BRD1: variants seen among roughly 807,000 people sequenced by gnomAD.
BRD1 encodes bromodomain containing 1, also known as bromodomain-containing protein 1.
A neutral mutation model predicts 107.7 loss-of-function variants in BRD1; 24 were observed. The observed-to-expected ratio is 0.22, with a 90% CI of 0.16 to 0.31. The LOEUF (loss-of-function observed/expected upper bound fraction) is 0.31. Among genes scored for constraint, BRD1 ranks in the 10% least tolerant of loss-of-function variants. The pLI is 1.00. For missense variants in BRD1, 1,279 were observed against 1,638.6 expected, an observed-to-expected ratio of 0.78 and a Z score of 3.79; for synonymous variants, 744 against 686.1, an observed-to-expected ratio of 1.08 and a Z score of -1.32.
Position 49,787,729 on chromosome 22 carries a change from C to T in BRD1, c.2518G>A (p.Ala840Thr), listed in dbSNP as rs796891606. 2.7e-5 allele frequency: 42 copies of T among 1,550,782 alleles called. No individual in the cohort carries two copies. In the African/African-American group the frequency reaches 3.3e-4, roughly 12 times the overall value. ...CTTACCAGTGCGCTCTGAGTGCAAG[C>T]GCTATGTGATTCATTATCAAATGTG... ...RVTFDNESHS[A>T]CTQSALVSGR... Residue 840 changes from alanine (A) to threonine (T), a missense_variant, in exon 8 of 13, where the codon GCT becomes ACT. Around this residue, in one of 7 missense-constraint regions of BRD1, gnomAD observed 406 missense variants for 519.4 expected, o/e 0.78. Transcript: ENST00000404760.
chr22:49,784,093 C>G (rs947777066), intron 8 of BRD1, among the ~76,000 whole-genome samples: 6 of 152,160 alleles, frequency 3.9e-5, no homozygotes, highest in Non-Finnish European at 7.3e-5. Context: ...CGCCCCAGCA[C>G]GTGCACATGG....
At position 49,775,927 on chromosome 22, in the gene BRD1, C is replaced by T. The variant is rs529036986; in HGVS notation, c.3231+123G>A. 5 of 1,213,764 alleles carry T rather than the reference C, an allele frequency of 4.1e-6. No individual in the cohort carries two copies. The African/African-American group carries it at 7.7e-5, about 19-fold the overall frequency. The allele number at this position is 1,213,764 out of a possible 1,614,324, so 75.2% of individuals were successfully genotyped here. A position where few individuals can be genotyped will look rare whatever the true frequency, so the allele number is the denominator to read the frequency against. ...GCTGTGTGAACCTCCTCTGACCAAC[C>T]CCGCCCCCCCGCCAGCTGTGGAACC... On this transcript the variant is annotated intron_variant, in intron 11 of 12. Coordinates refer to ENST00000404760, the MANE Select transcript of BRD1 (RefSeq NM_001304808.3).
At chr22:49,775,016 G>A (rs57357192) in intron 12 of BRD1, among the ~76,000 whole-genome samples, 127 of 152,354 alleles carry the variant, frequency 8.3e-4, no homozygotes, top group African/African-American at 3.0e-3. Context: ...CACAGCCGGG[G>A]CCACAGCTCC....
At chr22:49,796,990 A>G (rs2059546768) in intron 6 of BRD1, among the ~76,000 whole-genome samples, 1 of 152,250 alleles carries the variant, frequency 6.6e-6, no homozygotes, top group Non-Finnish European at 1.5e-5. Context: ...CAAATAAGCC[A>G]AACACACCGT....
chr22:49,815,329 A>G (rs1297346158), intron 2 of BRD1, among the ~76,000 whole-genome samples: 1 of 152,150 alleles, frequency 6.6e-6, no homozygotes, highest in African/African-American at 2.4e-5. Context: ...ACCTTAGGTC[A>G]GTCAGGAGTT....
chr22:49,787,302 C>CA, intron 8 of BRD1, 88 bp downstream of exon 8: 2 of 750,916 alleles, frequency 2.7e-6, no homozygotes, highest in South Asian at 3.6e-5. Context: ...GCTGGACACC[C>CA]CCCCCCCCCC....
In BRD1 at chr22:49,775,578, C is replaced by A; in HGVS notation, c.3386+13G>T. The A allele has an allele frequency of 4.4e-6, 7 of 1,595,482 alleles. No individual in the cohort carries two copies. Among genetic ancestry groups the A allele is most frequent in the Non-Finnish European group, 6.0e-6 (7 of 1,171,148 alleles). On this transcript the variant is annotated intron_variant, in intron 12 of 12. Coordinates refer to ENST00000404760, the MANE Select transcript of BRD1 (RefSeq NM_001304808.3). ...CCCAGCCGGTCCCCGGAGTCTAAGG[C>A]CTCTCAACTCACCAACTTCTCTTAT...
At chr22:49,787,248 C>G (rs1174937021) in intron 8 of BRD1, 142 bp downstream of exon 8, 3 of 1,166,556 alleles carry the variant, frequency 2.6e-6, no homozygotes, top group Non-Finnish European at 3.5e-6. Flanking sequence ...AAACACTGCA[C>G]TGTTGTCTTC....
chr22:49,821,615 T>C (rs2060067512), intron 2 of BRD1, among the ~76,000 whole-genome samples: 1 of 152,342 alleles, frequency 6.6e-6, no homozygotes, highest in African/African-American at 2.4e-5. Flanking sequence ...TTCTTTTTTT[T>C]TTTTTGAGAC....
intron 2 of BRD1, among the ~76,000 whole-genome samples, chr22:49,816,140 T>C (rs2147326454): frequency 6.6e-6 from 1 of 152,220 alleles, no homozygotes; most frequent in South Asian, 2.1e-4. Context: ...ATACAAACTT[T>C]TATAAAAAAT....
In BRD1 at chr22:49,823,635, C is replaced by T; in HGVS notation, c.683G>A (p.Ser228Asn). ...CICMDGECQN[S>N]NVILFCDMCN... ...CATGTCGCAGAAGAGGATCACGTTGCTGTTCTGACACTCCCCGTCCATGCA... is the reference window on the plus strand; with the variant it reads ...CATGTCGCAGAAGAGGATCACGTTGTTGTTCTGACACTCCCCGTCCATGCA... Residue 228 changes from serine to asparagine, a missense_variant, in exon 2 of 13, where the codon AGC (serine) becomes AAC (asparagine). By Grantham distance (46) the Ser-to-Asn change is conservative. Around this residue, in one of 7 missense-constraint regions of BRD1, gnomAD observed 158 missense variants for 310.2 expected, o/e 0.51. Coordinates refer to ENST00000404760, the MANE Select transcript of BRD1 (RefSeq NM_001304808.3). The T allele has an allele frequency of 6.2e-7, 1 of 1,612,332 alleles. No homozygotes were observed. The highest frequency in any genetic ancestry group is 8.5e-7 in the Non-Finnish European group (1 of 1,179,556).
chr22:49,775,789 C>G, intron 11 of BRD1, 44 bp from the exon 12 acceptor site: 2 of 1,542,380 alleles, frequency 1.3e-6, no homozygotes, highest in Non-Finnish European at 1.7e-6. Context: ...GGCTCACACC[C>G]ATAAACAACC....
At position 49,798,046 on chromosome 22, in the gene BRD1, T is replaced by C. The variant is rs764939549; in HGVS notation, c.1857A>G (p.Gln619=). 5.6e-6 allele frequency: 9 copies of C among 1,614,224 alleles called. No homozygotes were observed. The highest frequency in any genetic ancestry group is 7.6e-6 in the Non-Finnish European group (9 of 1,180,010). ...CAAACTCATGGAGGTTTTTATACCC[T>C]TGAGCTTCTAACCGTTTCCTCATTG... The part of the protein sequence containing the change: ...FATMRKRLEA[Q]GYKNLHEFEE... The change falls in exon 6 of 13, where the codon CAA becomes CAG. Residue 619 remains glutamine (Q), a synonymous_variant. Transcript: ENST00000404760.
intron 8 of BRD1, among the ~76,000 whole-genome samples, chr22:49,784,125 G>A (rs1287766223): frequency 2.0e-5 from 3 of 151,802 alleles, no homozygotes; most frequent in African/African-American, 2.4e-5. Flanking sequence ...AGGGGTCTCC[G>A]CAACGGCAGC....
chr22:49,779,710 G>A lies in BRD1; in HGVS notation c.2858-1897C>T, dbSNP rs115810710. ...CTCAGACCCTGCACACTCAGGCCCC[G>A]AAGATGTCTCAAGAGGGAATTAAAA... On this transcript the variant is annotated intron_variant, in intron 8 of 12. Coordinates refer to ENST00000404760, the MANE Select transcript of BRD1 (RefSeq NM_001304808.3). 9.2e-3 allele frequency among the ~76,000 whole-genome samples: 1,398 copies of A among 152,064 alleles called. 26 individuals carry two copies. The highest frequency in any genetic ancestry group is 0.033 in the African/African-American group (1,350 of 41,466).
In BRD1 at chr22:49,822,986, C is replaced by A. The variant is rs1185647809; in HGVS notation, c.1332G>T (p.Leu444=). ...GAATATAAGGAGCGCACACGGTCGG[C>A]AGGACCGCGCAGGGCTCAGCCAGAG... ...KKALAEPCAV[L]PTVCAPYIPP... The change falls in exon 2 of 13, where the codon CTG becomes CTT. Residue 444 remains leucine, a synonymous_variant. Transcript: ENST00000404760. 2 of 1,614,114 alleles carry A rather than the reference C, an allele frequency of 1.2e-6. No individual in the cohort carries two copies. Among genetic ancestry groups the A allele is most frequent in the African/African-American group, 2.7e-5 (2 of 74,952 alleles).
rs377071341 is a variant in BRD1, at chr22:49,785,370, G to A, written c.2857+2020C>T. Among the ~76,000 whole-genome samples the A allele has an allele frequency of 4.6e-5, 7 of 152,252 alleles. 1 individual carries two copies. The highest frequency in any genetic ancestry group is 4.1e-4 in the South Asian group (2 of 4,836). On this transcript the variant is annotated intron_variant, in intron 8 of 12. Coordinates refer to ENST00000404760, the MANE Select transcript of BRD1 (RefSeq NM_001304808.3). ...ACGCACGCAGCCCCATACCTCTGCC[G>A]CCGACAGACGTGAAACCCCGAGGAA...
intron 8 of BRD1, among the ~76,000 whole-genome samples, chr22:49,784,005 A>C (rs542360604): frequency 6.6e-6 from 1 of 152,374 alleles, no homozygotes; most frequent in East Asian, 1.9e-4. Context: ...AAAGCCATTT[A>C]GTCTGAATGA....
Position 49,804,192 on chromosome 22 carries a change from C to G in BRD1, c.1524+12G>C. On this transcript the variant is annotated intron_variant, in intron 3 of 12. Transcript: ENST00000404760. ...AGACGCAGAAAGGCTGTGGGGGCCA[C>G]GAGCCACGTACCTGCTGTGAGCTTC... The G allele has an allele frequency of 6.4e-7, 1 of 1,560,820 alleles. No homozygotes were observed. The highest frequency in any genetic ancestry group is 1.8e-5 in the Admixed American group (1 of 55,796).
Sources: gnomAD v4.1 joint callset for allele counts (sites outside exome capture counted in the v4.1 genomes callset) on GRCh38, gnomAD v4.1.1 for gene constraint, gnomAD v4.1.1 regional missense constraint, MANE v1.5 for transcripts, NCBI Gene and HGNC (gene_info 2026-07-23, HGNC 2026-07-21) for gene names.